NEK10: variants seen among roughly 807,000 people sequenced by gnomAD.
NEK10 encodes NIMA related kinase 10.
NEK10 carries 122 observed loss-of-function variants against 159.8 expected under a neutral mutation model. The ratio of observed to expected loss-of-function variants is 0.76; its 90% CI spans 0.66 to 0.89. The LOEUF is 0.89. NEK10 is among the 40% of genes least tolerant of loss of function. The pLI is 0.00. For missense variants in NEK10, 1,342 were observed against 1,323.1 expected (o/e 1.01, Z -0.22); for synonymous variants, 466 against 457.1 (o/e 1.02, Z -0.25).
chr3:27,285,554 AC>A (rs774464224), intron 20 of NEK10, among the ~76,000 whole-genome samples: 140 of 152,062 alleles, frequency 9.2e-4, no homozygotes, highest in Non-Finnish European at 1.6e-3. Flanking sequence ...ACAAAAAAAA[AC>A]AAAACTGGAC....
intron 26 of NEK10, among the ~76,000 whole-genome samples, chr3:27,184,895 T>C (rs1251217611): frequency 1.3e-5 from 2 of 152,192 alleles, no homozygotes; most frequent in Non-Finnish European, 2.9e-5. Flanking sequence ...TCAGCAATTG[T>C]AAATGACATA....
In NEK10 at chr3:27,111,247, C is replaced by A. The variant is rs755090015; in HGVS notation, c.*25G>T. The A allele has an allele frequency of 6.2e-7, 1 of 1,605,168 alleles. No homozygotes were observed. The highest frequency in any genetic ancestry group is 1.1e-5 in the South Asian group (1 of 90,104). ...AGAACTTGAACTTCACTGAGAAAATCAAGTCCACTCAAAATGCAGCATTTT... is the reference window on the plus strand; with the variant it reads ...AGAACTTGAACTTCACTGAGAAAATAAAGTCCACTCAAAATGCAGCATTTT... On this transcript the variant is annotated 3_prime_UTR_variant, in exon 36 of 36. Coordinates refer to ENST00000691995, the MANE Select transcript of NEK10 (RefSeq NM_001394966.1).
At position 27,364,401 on chromosome 3, in the gene NEK10, T is replaced by C. The variant is rs932019986; in HGVS notation, c.-38+4824A>G. 9.4e-5 allele frequency among the ~76,000 whole-genome samples: 10 copies of C among 106,488 alleles called. No individual in the cohort carries two copies. The East Asian group carries it at 1.9e-3, about 20-fold the overall frequency. The allele number at this position is 106,488 out of a possible 152,430, so 69.9% of individuals were successfully genotyped here. On this transcript the variant is annotated intron_variant, in intron 1 of 35. Coordinates refer to ENST00000691995, the MANE Select transcript of NEK10 (RefSeq NM_001394966.1). ...GTGTGTGTGTGTGTGTGTGTGTGTG[T>C]GTGTATAGTAGAGACGGGGTTTCAC...
intron 7 of NEK10, among the ~76,000 whole-genome samples, chr3:27,312,651 C>T (rs755827431): frequency 4.6e-5 from 7 of 151,990 alleles, no homozygotes; most frequent in Admixed American, 3.3e-4. Flanking sequence ...GAATAAAATG[C>T]GTACTGAGTA....
intron 6 of NEK10, among the ~76,000 whole-genome samples, chr3:27,317,029 G>A (rs2045254908): frequency 1.3e-5 from 2 of 152,214 alleles, no homozygotes; most frequent in Admixed American, 1.3e-4. Flanking sequence ...AGTTTGAGAA[G>A]TGCTGCTATA....
At chr3:27,196,419 T>C (rs915430638) in intron 25 of NEK10, among the ~76,000 whole-genome samples, 1 of 152,200 alleles carries the variant, frequency 6.6e-6, no homozygotes, top group Non-Finnish European at 1.5e-5. Flanking sequence ...GAGGGGTTCT[T>C]GCCTGTGGCT....
chr3:27,160,111 ATT>A (rs1014215953), intron 30 of NEK10, among the ~76,000 whole-genome samples: 5 of 152,142 alleles, frequency 3.3e-5, no homozygotes, highest in African/African-American at 7.2e-5. Context: ...TAATCAGCTT[ATT>A]TTTTTTAAAA....
intron 25 of NEK10, among the ~76,000 whole-genome samples, chr3:27,192,467 G>A (rs2148981692): frequency 6.6e-6 from 1 of 152,234 alleles, no homozygotes; most frequent in South Asian, 2.1e-4. Context: ...CTTTGCACTT[G>A]GGCTGGAAGG....
chr3:27,357,168 G>A (rs1425424480), intron 1 of NEK10, among the ~76,000 whole-genome samples: 1 of 152,160 alleles, frequency 6.6e-6, no homozygotes, highest in Non-Finnish European at 1.5e-5. Flanking sequence ...TGCTCTGGGA[G>A]GTTTTGATGT....
chr3:27,281,136 T>C (rs750459014), intron 22 of NEK10, among the ~76,000 whole-genome samples: 11 of 151,786 alleles, frequency 7.2e-5, no homozygotes, highest in Admixed American at 2.0e-4. Flanking sequence ...AAAAGAAAGT[T>C]GAAGAAATAA....
intron 23 of NEK10, among the ~76,000 whole-genome samples, chr3:27,222,352 G>A (rs930192198): frequency 1.3e-5 from 2 of 152,136 alleles, no homozygotes; most frequent in South Asian, 2.1e-4. Flanking sequence ...CAGCCTGGGC[G>A]ACAGCGAGAC....
intron 23 of NEK10, among the ~76,000 whole-genome samples, chr3:27,247,436 T>A (rs1234879709): frequency 6.6e-6 from 1 of 152,250 alleles, no homozygotes; most frequent in Non-Finnish European, 1.5e-5. Context: ...TTGATTGATT[T>A]ACATATCCTT....
chr3:27,215,973 C>G, intron 23 of NEK10: 1 of 513,024 alleles, frequency 1.9e-6, no homozygotes, highest in Admixed American at 3.3e-5. Context: ...TCCCACCAGG[C>G]TCCACCTCTA....
At chr3:27,192,486 C>T (rs1949204125) in intron 25 of NEK10, among the ~76,000 whole-genome samples, 1 of 151,926 alleles carries the variant, frequency 6.6e-6, no homozygotes. Context: ...GGTAAGGGTT[C>T]CAGGCTGAGC....
intron 5 of NEK10, among the ~76,000 whole-genome samples, chr3:27,327,936 A>T (rs985367167): frequency 4.0e-5 from 2 of 49,912 alleles, no homozygotes; most frequent in Non-Finnish European, 1.1e-4. Context: ...GCAAAACTTA[A>T]AAAAAAAAAA....
chr3:27,330,552 G>T (rs374170519), intron 5 of NEK10, among the ~76,000 whole-genome samples: 1 of 152,174 alleles, frequency 6.6e-6, no homozygotes, highest in East Asian at 1.9e-4. Flanking sequence ...TCTAAGGGTG[G>T]TATAAATAGT....
At chr3:27,364,090 T>G (rs559006793) in intron 1 of NEK10, among the ~76,000 whole-genome samples, 22 of 152,124 alleles carry the variant, frequency 1.4e-4, no homozygotes, top group East Asian at 3.9e-4. Flanking sequence ...ATTAACTTTT[T>G]TGTGTGTGTG....
chr3:27,162,619 G>A, intron 30 of NEK10, 82 bp downstream of exon 30: 3 of 1,613,982 alleles, frequency 1.9e-6, no homozygotes, highest in Non-Finnish European at 2.5e-6. Flanking sequence ...AATAAAAGGG[G>A]GAAAGATATG....
intron 22 of NEK10, among the ~76,000 whole-genome samples, chr3:27,256,677 A>G (rs17681084): frequency 0.23 from 35,290 of 152,122 alleles, 4,461 homozygotes; most frequent in Middle Eastern, 0.37. Context: ...TGACCTTGTC[A>G]GGCTAAAAGA....
Sources: gnomAD v4.1 joint callset for allele counts (sites outside exome capture counted in the v4.1 genomes callset) on GRCh38, gnomAD v4.1.1 for gene constraint, MANE v1.5 for transcripts, NCBI Gene and HGNC (gene_info 2026-07-23, HGNC 2026-07-21) for gene names.